The following APTX variants were observed in gnomAD, a reference collection of about 807,000 sequenced individuals.
APTX encodes the protein aprataxin, also known as forkhead-associated domain histidine triad-like protein.
In APTX, 33 loss-of-function variants were observed where a neutral mutation model predicts 42.3. The observed-to-expected ratio is 0.78, with a 90% CI of 0.59 to 1.04. APTX has a LOEUF of 1.04. Among genes scored for constraint, APTX ranks in the 50% least tolerant of loss-of-function variants. The pLI is 0.00. For synonymous variants in APTX, 130 were observed against 146.7 expected (o/e 0.89, Z 0.82); for missense variants, 421 against 415.1 (o/e 1.01, Z -0.12).
intron 2 of APTX, 60 bp downstream of exon 2, chr9:32,989,699 T>A: frequency 9.3e-6 from 15 of 1,611,934 alleles, no homozygotes; most frequent in Non-Finnish European, 1.2e-5. Context: ...AAAATATGCA[T>A]CTTTGGTTAT....
intron 1 of APTX, among the ~76,000 whole-genome samples, chr9:33,017,484 T>C (rs1002717165): frequency 2.2e-5 from 3 of 134,982 alleles, no homozygotes; most frequent in Admixed American, 7.2e-5. Context: ...GGGTTTCTTT[T>C]GTAAGGGCAC....
At position 32,989,792 on chromosome 9, in the gene APTX, T is replaced by A. The variant is rs1833117241; in HGVS notation, c.100A>T (p.Lys34Ter). 1 of 1,614,282 alleles carries A rather than the reference T, an allele frequency of 6.2e-7. No individual in the cohort carries two copies. Among genetic ancestry groups the A allele is most frequent in the Non-Finnish European group, 8.5e-7 (1 of 1,180,056 alleles). Residue 34 changes from lysine to a stop codon, truncating the protein, a stop_gained, in exon 2 of 8, where the codon AAG becomes TAG. Transcript: ENST00000379817. LOFTEE classifies it high-confidence loss of function. ...CGAGAACATTTCTTATCAGTGATCT[T>A]GGTCTCTGGGCCACGCCCAATCACA... ...AVVIGRGPET[K>*]ITDKKCSRQQ... is the part of the protein sequence containing the mutation.
intron 1 of APTX, among the ~76,000 whole-genome samples, chr9:33,017,777 G>GT (rs961996165): frequency 2.0e-5 from 3 of 152,034 alleles, no homozygotes; most frequent in African/African-American, 4.8e-5. Flanking sequence ...TTTGGTTAGG[G>GT]TTTTTTTATT....
In APTX at chr9:32,984,840, C is replaced by G. The variant is rs1831535757; in HGVS notation, c.561G>C (p.Gln187His). 3 of 1,614,056 alleles carry G rather than the reference C, an allele frequency of 1.9e-6. No homozygotes were observed. The highest frequency in any genetic ancestry group is 2.7e-5 in the African/African-American group (2 of 74,928). ...GGTATTTATCCTTTATCACCACCAC[C>G]TGCTCATCTTTGTAAACCTAGCAGA... ...DPKMQVYKDE[Q>H]VVVIKDKYPK... Residue 187 changes from glutamine (Q) to histidine (H), a missense_variant, in exon 6 of 8, where the codon CAG becomes CAC. By Grantham distance (24) the Gln-to-His change is conservative (BLOSUM62 0). Transcript: ENST00000379817.
chr9:32,979,400 C>T (rs1830195474), intron 6 of APTX, among the ~76,000 whole-genome samples: 1 of 152,190 alleles, frequency 6.6e-6, no homozygotes, highest in South Asian at 2.1e-4. Context: ...TGTAGTATTC[C>T]ATGGTGTATA....
At chr9:32,979,808 G>A in intron 6 of APTX, 1 of 172,308 alleles carries the variant, frequency 5.8e-6, no homozygotes. Flanking sequence ...CTTAAATTTG[G>A]ATTCTTTGCT....
chr9:32,989,464 C>A, intron 2 of APTX: 2 of 511,504 alleles, frequency 3.9e-6, no homozygotes, highest in South Asian at 1.7e-5. Context: ...CATCTTGCTG[C>A]CCATTGAGCA....
intron 1 of APTX, among the ~76,000 whole-genome samples, chr9:33,021,549 G>A (rs1190155490): frequency 6.6e-6 from 1 of 152,210 alleles, no homozygotes; most frequent in African/African-American, 2.4e-5. Context: ...GTGGCCAGGT[G>A]TGGTGGCTCA....
upstream of APTX, among the ~76,000 whole-genome samples, chr9:33,006,192 A>G (rs765875963): frequency 2.0e-5 from 3 of 152,082 alleles, no homozygotes; most frequent in Non-Finnish European, 2.9e-5. Context: ...AAGATGAGTC[A>G]GGAGGATTGC....
intron 6 of APTX, 92 bp from the exon 7 acceptor site, chr9:32,974,653 T>C: frequency 1.4e-6 from 1 of 724,212 alleles, no homozygotes; most frequent in Non-Finnish European, 2.5e-6. Context: ...TGTATATTCA[T>C]ACTATTGAAT....
intron 1 of APTX, chr9:32,990,152 T>G: frequency 4.3e-6 from 2 of 463,482 alleles, no homozygotes; most frequent in South Asian, 6.3e-5. Context: ...AATCAAATAT[T>G]TATTACACAT....
chr9:33,004,369 A>G (rs1030134148), upstream of APTX, among the ~76,000 whole-genome samples: 1 of 152,226 alleles, frequency 6.6e-6, no homozygotes, highest in African/African-American at 2.4e-5. Flanking sequence ...AGACTTCACC[A>G]TTATACACTT....
rs1396929359 is a variant in APTX, at chr9:33,008,959, G to A, written c.-5+16064C>T. Among the ~76,000 whole-genome samples the A allele has an allele frequency of 2.6e-5, 4 of 152,126 alleles. No homozygotes were observed. In the East Asian group the frequency reaches 5.8e-4, roughly 22 times the overall value. ...TACATTACAGTGTAAACATGATGAG[G>A]TATTCATAAAAACTACACCCTGTAA... On this transcript the variant is annotated intron_variant, in intron 1 of 6. Coordinates refer to the APTX transcript ENST00000436040.
chr9:33,017,157 C>A (rs1158119887), intron 1 of APTX, among the ~76,000 whole-genome samples: 1 of 152,146 alleles, frequency 6.6e-6, no homozygotes, highest in East Asian at 1.9e-4. Context: ...CACTAATTAT[C>A]CAACATTATT....
upstream of APTX, among the ~76,000 whole-genome samples, chr9:33,005,811 A>G (rs1480894028): frequency 6.6e-6 from 1 of 152,166 alleles, no homozygotes; most frequent in African/African-American, 2.4e-5. Context: ...GATTTTAACA[A>G]TATCATTTGT....
intron 1 of APTX, among the ~76,000 whole-genome samples, chr9:32,997,601 G>C (rs373225678): frequency 3.3e-5 from 4 of 119,502 alleles, no homozygotes; most frequent in Non-Finnish European, 5.2e-5. Context: ...AAAGGAAACA[G>C]GGAGAAGATT....
chr9:32,995,039 C>T (rs1834489517), intron 1 of APTX, among the ~76,000 whole-genome samples: 1 of 152,180 alleles, frequency 6.6e-6, no homozygotes, highest in South Asian at 2.1e-4. Flanking sequence ...TATTACTGCT[C>T]ATTGACAATG....
intron 4 of APTX, among the ~76,000 whole-genome samples, chr9:32,986,855 C>G (rs1363086225): frequency 6.6e-6 from 1 of 151,982 alleles, no homozygotes; most frequent in Non-Finnish European, 1.5e-5. Context: ...GTCGCCCAGG[C>G]TGGAGTGCAG....
At chr9:33,020,690 C>T (rs1449603111) in intron 1 of APTX, among the ~76,000 whole-genome samples, 1 of 152,224 alleles carries the variant, frequency 6.6e-6, no homozygotes, top group Non-Finnish European at 1.5e-5. Context: ...TATATCACCC[C>T]ATCCCTAAAA....
Sources: gnomAD v4.1 joint callset for allele counts (sites outside exome capture counted in the v4.1 genomes callset) on GRCh38, gnomAD v4.1.1 for gene constraint, MANE v1.5 for transcripts, NCBI Gene and HGNC (gene_info 2026-07-23, HGNC 2026-07-21) for gene names.